TNFSF4: variants seen among roughly 807,000 people sequenced by gnomAD.
The protein encoded by TNFSF4 is TNF superfamily member 4.
In TNFSF4, 4 loss-of-function variants were observed where a neutral mutation model predicts 7.3. That is an observed-to-expected ratio of 0.55 (90% confidence interval 0.27 to 1.25). TNFSF4 has a LOEUF of 1.25. Ranked by LOEUF, TNFSF4 falls within the 50% of genes most tolerant of loss-of-function variation. The pLI is 0.12. For synonymous variants in TNFSF4, 76 were observed against 83.7 expected (o/e 0.91, Z 0.50); for missense variants, 181 against 208.8 (o/e 0.87, Z 0.82).
At chr1:173,198,954 T>C (rs1395054521) in intron 1 of TNFSF4, among the ~76,000 whole-genome samples, 2 of 152,186 alleles carry the variant, frequency 1.3e-5, no homozygotes, top group Non-Finnish European at 2.9e-5. Flanking sequence ...AAACCCTTCC[T>C]GTTAATTAAT....
At chr1:173,378,994 G>A in the TNFSF4 span, among the ~76,000 whole-genome samples, 1 of 150,068 alleles carries the variant, frequency 6.7e-6, no homozygotes, top group Non-Finnish European at 1.5e-5. Flanking sequence ...GATCAAGGCA[G>A]ACCTGGCGAA....
chr1:173,258,147 G>A, the TNFSF4 span, among the ~76,000 whole-genome samples: 1 of 152,026 alleles, frequency 6.6e-6, no homozygotes, highest in African/African-American at 2.4e-5. Context: ...ACTTCTAGCA[G>A]GCTTCCATTG....
the TNFSF4 span, among the ~76,000 whole-genome samples, chr1:173,405,575 T>C: frequency 7.9e-5 from 12 of 152,208 alleles, no homozygotes; most frequent in Non-Finnish European, 1.2e-4. Context: ...ACATTTCTTA[T>C]ACAATCAAGT....
At chr1:173,250,756 GCCT>G in the TNFSF4 span, among the ~76,000 whole-genome samples, 1 of 152,294 alleles carries the variant, frequency 6.6e-6, no homozygotes, top group South Asian at 2.1e-4. Flanking sequence ...ACCGCGCCCG[GCCT>G]CTCCAGTTTC....
At chr1:173,400,689 G>A in the TNFSF4 span, among the ~76,000 whole-genome samples, 2 of 152,200 alleles carry the variant, frequency 1.3e-5, no homozygotes, top group Admixed American at 6.5e-5. Flanking sequence ...TCACAATGGA[G>A]TAAGGAAGAG....
chr1:173,195,008 A>G (rs556600976), intron 1 of TNFSF4, among the ~76,000 whole-genome samples: 1 of 152,322 alleles, frequency 6.6e-6, no homozygotes, highest in East Asian at 1.9e-4. Context: ...AGAAAGAATA[A>G]CTACCCATAT....
chr1:173,225,920 C>T, the TNFSF4 span, among the ~76,000 whole-genome samples: 1 of 152,132 alleles, frequency 6.6e-6, no homozygotes, highest in Admixed American at 6.5e-5. Flanking sequence ...TTCTAATCAT[C>T]CTACTAGAAA....
the TNFSF4 span, among the ~76,000 whole-genome samples, chr1:173,301,763 C>G: frequency 6.6e-6 from 1 of 151,724 alleles, no homozygotes; most frequent in Admixed American, 6.6e-5. Context: ...CTACAACTAT[C>G]TTGTTCATTT....
chr1:173,180,214 G>A (rs1200793042), downstream of TNFSF4, among the ~76,000 whole-genome samples: 2 of 152,042 alleles, frequency 1.3e-5, no homozygotes, highest in South Asian at 4.1e-4. Flanking sequence ...TTTTATTCCT[G>A]ATATATTTCA....
chr1:173,260,489 C>G, the TNFSF4 span, among the ~76,000 whole-genome samples: 1 of 152,096 alleles, frequency 6.6e-6, no homozygotes, highest in East Asian at 1.9e-4. Flanking sequence ...CCACACATAA[C>G]AATATTAACC....
the TNFSF4 span, among the ~76,000 whole-genome samples, chr1:173,406,800 T>G: frequency 1.2e-4 from 18 of 152,120 alleles, no homozygotes; most frequent in African/African-American, 4.3e-4. Flanking sequence ...AAGGAGCTGA[T>G]CAAAGTAGCT....
chr1:173,176,675 T>C, the TNFSF4 span, among the ~76,000 whole-genome samples: 8 of 152,184 alleles, frequency 5.3e-5, no homozygotes, highest in African/African-American at 1.7e-4. Context: ...CATAGATACA[T>C]ATGTTCATCA....
chr1:173,321,458 A>C, the TNFSF4 span, among the ~76,000 whole-genome samples: 1 of 152,218 alleles, frequency 6.6e-6, no homozygotes, highest in African/African-American at 2.4e-5. Flanking sequence ...CAATAGCAAC[A>C]AGAGCCAAAA....
chr1:173,359,605 A>G, the TNFSF4 span, among the ~76,000 whole-genome samples: 33 of 148,186 alleles, frequency 2.2e-4, no homozygotes, highest in Admixed American at 2.2e-3. Flanking sequence ...CTATTTTCAC[A>G]TTGGCATATT....
the TNFSF4 span, among the ~76,000 whole-genome samples, chr1:173,333,734 G>A: frequency 2.0e-5 from 3 of 152,130 alleles, no homozygotes; most frequent in Non-Finnish European, 2.9e-5. Flanking sequence ...CCAGAACAGT[G>A]AGAAAAAATT....
At chr1:173,336,119 G>A in the TNFSF4 span, among the ~76,000 whole-genome samples, 12 of 152,270 alleles carry the variant, frequency 7.9e-5, no homozygotes, top group East Asian at 1.5e-3. Context: ...CCCCACATTG[G>A]TTGCCTAACC....
At chr1:173,332,774 G>C in the TNFSF4 span, among the ~76,000 whole-genome samples, 1 of 150,876 alleles carries the variant, frequency 6.6e-6, no homozygotes, top group African/African-American at 2.4e-5. Flanking sequence ...AGAATCACTT[G>C]AACCCGGGAG....
chr1:173,356,855 G>A, the TNFSF4 span, among the ~76,000 whole-genome samples: 1 of 152,202 alleles, frequency 6.6e-6, no homozygotes, highest in African/African-American at 2.4e-5. Flanking sequence ...GGGAAAAAAT[G>A]ACATGGGCTT....
At chr1:173,429,685 A>T in the TNFSF4 span, among the ~76,000 whole-genome samples, 17 of 152,300 alleles carry the variant, frequency 1.1e-4, no homozygotes, top group East Asian at 3.3e-3. Context: ...GCGCTTTATA[A>T]ATGTTTGAGA....
Sources: allele counts gnomAD v4.1 joint callset (sites outside exome capture counted in the v4.1 genomes callset), GRCh38; gene constraint gnomAD v4.1.1; transcripts MANE v1.5; gene names NCBI Gene and HGNC (gene_info 2026-07-23, HGNC 2026-07-21).